Variants in EIF3CL observed in about 807,000 individuals in gnomAD.
EIF3CL encodes the protein eukaryotic translation initiation factor 3 subunit C-like protein.
For missense variants in EIF3CL, 5 were observed against 56.1 expected, an observed-to-expected ratio of 0.09 and a Z score of 2.91; for synonymous variants, 2 against 19.6, an observed-to-expected ratio of 0.10 and a Z score of 2.37.
At chr16:28,417,827 TA>T in the EIF3CL span, among the ~76,000 whole-genome samples, 3,427 of 103,722 alleles carry the variant, frequency 0.033, 4 homozygotes, top group South Asian at 0.15. Context: ...AAAATAAATT[TA>T]AAAAAAAAAA....
intron 16 of EIF3CL, among the ~76,000 whole-genome samples, chr16:28,382,136 G>A (rs1222589763): frequency 3.9e-5 from 2 of 51,256 alleles, no homozygotes; most frequent in African/African-American, 9.6e-5. Flanking sequence ...CTTGAACCCA[G>A]GAGGTGGAGG....
the EIF3CL span, among the ~76,000 whole-genome samples, chr16:28,415,252 C>T: frequency 1.1e-5 from 1 of 89,318 alleles, no homozygotes; most frequent in Non-Finnish European, 2.1e-5. Context: ...TCACTGCCCA[C>T]AGCGCCCCAT....
rs3213478 is a variant in EIF3CL at position 28,388,461 on chromosome 16, C to G, written c.1596+47G>C. 159 of 7,138 alleles carry G rather than the reference C, an allele frequency of 0.022. 3 individuals carry two copies. In the African/African-American group the frequency reaches 0.36, roughly 16 times the overall value. The allele number at this position is 7,138 out of a possible 1,614,324, so 0.4% of individuals were successfully genotyped here. A position where few individuals can be genotyped will look rare whatever the true frequency, so the allele number is the denominator to read the frequency against. On this transcript the variant is annotated intron_variant, in intron 14 of 20. Coordinates refer to ENST00000380876, the MANE Select transcript of EIF3CL (RefSeq NM_001317857.2). ...GTCAAGTCCTGACAGAAGTGGAGGA[C>G]AGGTGGACACACCCATTCCCCTCTG...
At chr16:28,416,795 G>C in the EIF3CL span, among the ~76,000 whole-genome samples, 1 of 94,756 alleles carries the variant, frequency 1.1e-5, no homozygotes, top group Non-Finnish European at 2.4e-5. Context: ...CGCCCCGTCC[G>C]GGAGGTGAGG....
chr16:28,384,153 T>C (rs1055409015), intron 15 of EIF3CL, among the ~76,000 whole-genome samples: 38 of 59,406 alleles, frequency 6.4e-4, no homozygotes, highest in African/African-American at 1.6e-3. Flanking sequence ...TTATGAGTTT[T>C]TTTTTTTTTT....
the EIF3CL span, among the ~76,000 whole-genome samples, chr16:28,417,568 G>A: frequency 9.3e-6 from 1 of 107,764 alleles, no homozygotes; most frequent in East Asian, 2.5e-4. Context: ...AGGGTTAAAT[G>A]GATTAAGGGC....
At chr16:28,392,917 T>C (rs2045644632) in intron 8 of EIF3CL, among the ~76,000 whole-genome samples, 1 of 148,910 alleles carries the variant, frequency 6.7e-6, no homozygotes, top group African/African-American at 2.5e-5. Flanking sequence ...CCAGCTACCT[T>C]AAAATGGTCT....
chr16:28,402,745 T>C, intron 2 of EIF3CL, among the ~76,000 whole-genome samples: 1 of 83,484 alleles, frequency 1.2e-5, no homozygotes, highest in East Asian at 3.8e-4. Flanking sequence ...CAGTGGCTCA[T>C]TCCTGTAACC....
chr16:28,425,973 C>G, the EIF3CL span, among the ~76,000 whole-genome samples: 2 of 103,092 alleles, frequency 1.9e-5, no homozygotes, highest in African/African-American at 6.9e-5. Flanking sequence ...TCTCAGCTAC[C>G]TGGGAGGCTG....
chr16:28,408,133 G>A (rs2045687517), upstream of EIF3CL, among the ~76,000 whole-genome samples: 1 of 29,718 alleles, frequency 3.4e-5, no homozygotes, highest in Non-Finnish European at 5.9e-5. Flanking sequence ...GAACCCAGGA[G>A]GCAGAGGTTG....
the EIF3CL span, chr16:28,414,321 G>A: frequency 1.5e-4 from 45 of 299,858 alleles, 3 homozygotes; most frequent in African/African-American, 9.9e-4. Context: ...GCTTGAACCC[G>A]GGAGGCGGAG....
chr16:28,416,762 G>T, the EIF3CL span, among the ~76,000 whole-genome samples: 1 of 114,274 alleles, frequency 8.8e-6, no homozygotes, highest in Non-Finnish European at 1.9e-5. Flanking sequence ...GGTGGGGGGG[G>T]TCAGCCCCCC....
At chr16:28,419,206 C>T in the EIF3CL span, among the ~76,000 whole-genome samples, 3 of 150,672 alleles carry the variant, frequency 2.0e-5, no homozygotes, top group Non-Finnish European at 2.9e-5. Flanking sequence ...TGGGGTTTCA[C>T]CGTGTTAGCC....
the EIF3CL span, among the ~76,000 whole-genome samples, chr16:28,422,648 C>A: frequency 6.9e-6 from 1 of 145,382 alleles, no homozygotes; most frequent in Non-Finnish European, 1.5e-5. Flanking sequence ...GCCTGGCCAA[C>A]ACAGTGAAAC....
upstream of EIF3CL, among the ~76,000 whole-genome samples, chr16:28,408,129 A>G (rs2045687510): frequency 3.8e-5 from 1 of 26,432 alleles, no homozygotes; most frequent in Non-Finnish European, 6.5e-5. Flanking sequence ...GCTTGAACCC[A>G]GGAGGCAGAG....
chr16:28,415,737 G>A, the EIF3CL span, among the ~76,000 whole-genome samples: 1 of 135,366 alleles, frequency 7.4e-6, no homozygotes. Flanking sequence ...GCAACAGAGC[G>A]AGACTCCGTC....
the EIF3CL span, among the ~76,000 whole-genome samples, chr16:28,417,418 G>A: frequency 4.6e-5 from 6 of 130,402 alleles, no homozygotes; most frequent in East Asian, 9.0e-4. Context: ...GATGGTTGCC[G>A]TGTCTGTGTA....
the EIF3CL span, among the ~76,000 whole-genome samples, chr16:28,416,724 G>A: frequency 6.7e-5 from 8 of 119,964 alleles, no homozygotes; most frequent in South Asian, 4.7e-4. Flanking sequence ...GAGCGTCTCC[G>A]CCCGGCAGCC....
At chr16:28,416,313 T>A in the EIF3CL span, among the ~76,000 whole-genome samples, 1 of 3,752 alleles carries the variant, frequency 2.7e-4, no homozygotes, top group Admixed American at 2.7e-3. Context: ...GCCCATCGTC[T>A]GGGATATGAG....
Sources: allele counts gnomAD v4.1 joint callset (sites outside exome capture counted in the v4.1 genomes callset), GRCh38; gene constraint gnomAD v4.1.1; transcripts MANE v1.5; gene names NCBI Gene and HGNC (gene_info 2026-07-23, HGNC 2026-07-21).